The following TEX36 variants were observed in gnomAD, a reference collection of about 807,000 sequenced individuals.
TEX36 encodes the protein testis-expressed protein 36.
Under a neutral mutation model 13.6 loss-of-function variants are expected in TEX36, and 12 were observed. The observed-to-expected ratio is 0.88, with a 90% CI of 0.56 to 1.43. TEX36 has a LOEUF of 1.43. TEX36 is among the 40% of genes most tolerant of loss of function. TEX36 has a pLI of 0.00. For synonymous variants in TEX36, 93 were observed against 83.0 expected (o/e 1.12, Z -0.65); for missense variants, 224 against 228.3 (o/e 0.98, Z 0.12).
intron 3 of TEX36, among the ~76,000 whole-genome samples, chr10:125,625,065 C>T (rs986448371): frequency 1.3e-5 from 2 of 152,200 alleles, no homozygotes; most frequent in Non-Finnish European, 2.9e-5. Flanking sequence ...AAGGGCAACA[C>T]CTCTTCCAGA....
intron 3 of TEX36, among the ~76,000 whole-genome samples, chr10:125,581,956 A>G (rs1845888408): frequency 6.6e-6 from 1 of 152,236 alleles, no homozygotes; most frequent in Non-Finnish European, 1.5e-5. Flanking sequence ...GGCAGCAGTG[A>G]GAGGAGGAGG....
chr10:125,612,364 G>A (rs1007739019), intron 3 of TEX36, among the ~76,000 whole-genome samples: 3 of 152,186 alleles, frequency 2.0e-5, no homozygotes, highest in African/African-American at 7.2e-5. Context: ...GATTACAGGT[G>A]TGAGCCATCG....
chr10:125,653,758 C>T (rs569629664), downstream of TEX36, among the ~76,000 whole-genome samples: 8 of 152,156 alleles, frequency 5.3e-5, no homozygotes, highest in African/African-American at 1.9e-4. Flanking sequence ...ACAGGAGGAC[C>T]TCTTGAGGCC....
intron 1 of TEX36, among the ~76,000 whole-genome samples, chr10:125,663,404 T>C (rs1847075920): frequency 6.6e-6 from 1 of 152,226 alleles, no homozygotes; most frequent in Non-Finnish European, 1.5e-5. Context: ...TTTTTTTTAG[T>C]AGATACTCAG....
chr10:125,667,490 A>G, intron 1 of TEX36: 1 of 724,476 alleles, frequency 1.4e-6, no homozygotes, highest in Admixed American at 1.7e-5. Context: ...GTGTTCCCCA[A>G]TCTTCAGAAC....
intron 3 of TEX36, among the ~76,000 whole-genome samples, chr10:125,629,409 G>A (rs967821824): frequency 3.9e-5 from 6 of 152,152 alleles, no homozygotes; most frequent in African/African-American, 9.7e-5. Context: ...CATGGGGGGA[G>A]GTTCTGAGGT....
Position 125,625,119 on chromosome 10 carries a change from C to A in TEX36, c.265-3474G>T, listed in dbSNP as rs566028784. 5.9e-5 allele frequency among the ~76,000 whole-genome samples: 9 copies of A among 152,318 alleles called. 1 individual carries two copies. In the South Asian group the frequency reaches 1.2e-3, roughly 21 times the overall value. ...GCACCTCCCCAGTACTCCAGGTGGC[C>A]CCTGGCTCAGCCATCACTCAGCTTT... is the stretch of plus-strand genomic sequence containing the variant. On this transcript the variant is annotated intron_variant, in intron 3 of 3. Transcript: ENST00000526819.
chr10:125,653,187 C>T (rs1242020133), downstream of TEX36, among the ~76,000 whole-genome samples: 22 of 150,112 alleles, frequency 1.5e-4, no homozygotes, highest in South Asian at 6.3e-4. Flanking sequence ...CACATGCACA[C>T]GTATGTTTAT....
intron 3 of TEX36, among the ~76,000 whole-genome samples, chr10:125,645,125 C>T (rs978846480): frequency 6.6e-6 from 1 of 152,198 alleles, no homozygotes; most frequent in African/African-American, 2.4e-5. Context: ...CAGAAGACCT[C>T]ACCACGTGCA....
At chr10:125,667,756 T>C in intron 1 of TEX36, 1 of 834,456 alleles carries the variant, frequency 1.2e-6, no homozygotes, top group Non-Finnish European at 2.0e-6. Flanking sequence ...AGTCGTCAGC[T>C]GTCAGCAGCA....
intron 1 of TEX36, among the ~76,000 whole-genome samples, chr10:125,678,714 TG>T (rs1847347742): frequency 6.6e-6 from 1 of 152,086 alleles, no homozygotes; most frequent in Non-Finnish European, 1.5e-5. Context: ...TGCTTGCACA[TG>T]GGGGCCAGCT....
chr10:125,646,247 AC>A (rs1846766680), intron 3 of TEX36, among the ~76,000 whole-genome samples: 1 of 152,050 alleles, frequency 6.6e-6, no homozygotes, highest in South Asian at 2.1e-4. Context: ...GATCACTTGA[AC>A]CCCGGAGGTC....
chr10:125,611,981 T>A (rs1846295272), intron 3 of TEX36, among the ~76,000 whole-genome samples: 2 of 152,108 alleles, frequency 1.3e-5, no homozygotes, highest in African/African-American at 2.4e-5. Context: ...CTTGTGTGAT[T>A]CTTTGATTAA....
intron 3 of TEX36, among the ~76,000 whole-genome samples, chr10:125,637,234 G>A (rs540707875): frequency 1.3e-5 from 2 of 151,802 alleles, no homozygotes; most frequent in South Asian, 4.2e-4. Flanking sequence ...ACCTGAGCCT[G>A]AGAAGTCGAG....
chr10:125,648,709 C>T (rs142466313), intron 3 of TEX36, among the ~76,000 whole-genome samples: 527 of 152,174 alleles, frequency 3.5e-3, no homozygotes, highest in Middle Eastern at 6.8e-3. Context: ...CAAACTTCTC[C>T]GAGCTAAAGG....
intron 3 of TEX36, among the ~76,000 whole-genome samples, chr10:125,600,777 T>TAAAATCAGAAAAAA: frequency 6.6e-6 from 1 of 152,178 alleles, no homozygotes; most frequent in African/African-American, 2.4e-5. Flanking sequence ...CGGAATGACC[T>TAAAATCAGAAAAAA]GAAAGCCTCT....
chr10:125,606,937 C>G (rs569557478), intron 3 of TEX36, among the ~76,000 whole-genome samples: 2 of 152,290 alleles, frequency 1.3e-5, no homozygotes, highest in South Asian at 4.1e-4. Context: ...TCTGTAGCAA[C>G]CTTGACAACG....
chr10:125,680,778 G>T (rs1314819417), intron 1 of TEX36, among the ~76,000 whole-genome samples: 2 of 152,212 alleles, frequency 1.3e-5, no homozygotes, highest in Non-Finnish European at 2.9e-5. Flanking sequence ...CAGCAGAAAG[G>T]ATTTTTGCCA....
chr10:125,667,402 A>G (rs2133602387), intron 1 of TEX36: 1 of 662,730 alleles, frequency 1.5e-6, no homozygotes. Context: ...CAATGGGCAC[A>G]ATGCCACTCT....
Sources: allele counts gnomAD v4.1 joint callset (sites outside exome capture counted in the v4.1 genomes callset), GRCh38; gene constraint gnomAD v4.1.1; transcripts MANE v1.5; gene names NCBI Gene and HGNC (gene_info 2026-07-23, HGNC 2026-07-21).